STPG2: variants seen among roughly 807,000 people sequenced by gnomAD.
STPG2 encodes sperm-tail PG-rich repeat-containing protein 2.
Under a neutral mutation model 54.2 loss-of-function variants are expected in STPG2, and 56 were observed. That is an observed-to-expected ratio of 1.03 (90% confidence interval 0.83 to 1.29). STPG2 has a LOEUF of 1.29. STPG2 is among the 50% of genes most tolerant of loss of function. The pLI is 0.00. For synonymous variants in STPG2, 200 were observed against 181.8 expected (o/e 1.10, Z -0.81); for missense variants, 596 against 544.9 (o/e 1.09, Z -0.93).
At chr4:97,576,901 G>T (rs1306913747) in intron 10 of STPG2, among the ~76,000 whole-genome samples, 3 of 151,998 alleles carry the variant, frequency 2.0e-5, no homozygotes, top group Non-Finnish European at 4.4e-5. Context: ...AATTGAACAA[G>T]TAAAAAGCAA....
chr4:97,496,080 G>C (rs1243941097), intron 4 of STPG2, among the ~76,000 whole-genome samples: 2 of 151,498 alleles, frequency 1.3e-5, no homozygotes, highest in African/African-American at 4.8e-5. Context: ...CTAAAAATTA[G>C]ATGACTAACA....
intron 5 of STPG2, among the ~76,000 whole-genome samples, chr4:98,038,585 A>C (rs1339092232): frequency 6.6e-6 from 1 of 152,040 alleles, no homozygotes; most frequent in Non-Finnish European, 1.5e-5. Context: ...TAAATGTCAA[A>C]TCTCAGCAAG....
At chr4:97,804,590 G>A (rs144368305) in intron 9 of STPG2, among the ~76,000 whole-genome samples, 294 of 152,184 alleles carry the variant, frequency 1.9e-3, no homozygotes, top group African/African-American at 7.0e-3. Context: ...TTAAAAATTT[G>A]AAAATTTATG....
chr4:97,949,165 ATCT>A (rs1733366240), intron 7 of STPG2, among the ~76,000 whole-genome samples: 1 of 151,798 alleles, frequency 6.6e-6, no homozygotes, highest in African/African-American at 2.4e-5. Flanking sequence ...TCATATAATG[ATCT>A]TCTTTGTCAT....
chr4:97,884,021 C>T (rs1257634247), intron 8 of STPG2, among the ~76,000 whole-genome samples: 1 of 152,042 alleles, frequency 6.6e-6, no homozygotes, highest in African/African-American at 2.4e-5. Flanking sequence ...GGGAGAAGTG[C>T]TCTGCACACT....
intron 10 of STPG2, among the ~76,000 whole-genome samples, chr4:97,693,355 C>A (rs1210234319): frequency 6.6e-6 from 1 of 151,884 alleles, no homozygotes; most frequent in Non-Finnish European, 1.5e-5. Context: ...GTATCCCATG[C>A]AAATCAACAC....
chr4:97,860,502 ATTTTATTTTAT>A (rs1729488176), intron 8 of STPG2, among the ~76,000 whole-genome samples: 1 of 109,190 alleles, frequency 9.2e-6, no homozygotes, highest in South Asian at 3.2e-4. Context: ...ATTTTATTTT[ATTTTATTTTAT>A]TTTATTATTT....
intron 9 of STPG2, among the ~76,000 whole-genome samples, chr4:97,764,504 G>A (rs1435431596): frequency 6.6e-6 from 1 of 152,006 alleles, no homozygotes; most frequent in Non-Finnish European, 1.5e-5. Context: ...ATACAAGGCT[G>A]GAAAGATGAG....
At chr4:97,896,945 G>C (rs979415650) in intron 8 of STPG2, among the ~76,000 whole-genome samples, 9 of 151,722 alleles carry the variant, frequency 5.9e-5, no homozygotes, top group Non-Finnish European at 7.4e-5. Flanking sequence ...ACATGTGCAG[G>C]ATTGTTATAT....
chr4:97,661,624 C>A (rs1722378471), intron 10 of STPG2, among the ~76,000 whole-genome samples: 1 of 151,922 alleles, frequency 6.6e-6, no homozygotes. Context: ...AGCTGAAATT[C>A]TCTATACTCC....
chr4:97,504,048 T>C (rs1409374174), intron 4 of STPG2, among the ~76,000 whole-genome samples: 2 of 145,520 alleles, frequency 1.4e-5, no homozygotes, highest in African/African-American at 2.5e-5. Flanking sequence ...TTTATTTTTA[T>C]TTAAATATTT....
intron 4 of STPG2, among the ~76,000 whole-genome samples, chr4:97,479,617 G>T (rs1244173709): frequency 6.6e-6 from 1 of 151,862 alleles, no homozygotes; most frequent in Non-Finnish European, 1.5e-5. Flanking sequence ...GAGTCATTAA[G>T]ACATTCCACA....
At chr4:97,881,988 T>A (rs1327510159) in intron 8 of STPG2, among the ~76,000 whole-genome samples, 1 of 151,964 alleles carries the variant, frequency 6.6e-6, no homozygotes, top group African/African-American at 2.4e-5. Context: ...AGCAATAAAT[T>A]AGCCTGAAAT....
chr4:97,444,494 C>G (rs566047492), intron 4 of STPG2, among the ~76,000 whole-genome samples: 41 of 152,072 alleles, frequency 2.7e-4, no homozygotes, highest in Non-Finnish European at 5.3e-4. Flanking sequence ...TGTAAATGCT[C>G]AAAGAAAATA....
At chr4:97,904,396 G>C (rs989185399) in intron 8 of STPG2, among the ~76,000 whole-genome samples, 3 of 152,280 alleles carry the variant, frequency 2.0e-5, no homozygotes, top group Non-Finnish European at 2.9e-5. Flanking sequence ...TGAGGGTCCT[G>C]TCTGTTAAAA....
At chr4:98,099,596 G>A (rs1738965766) in intron 5 of STPG2, among the ~76,000 whole-genome samples, 1 of 152,182 alleles carries the variant, frequency 6.6e-6, no homozygotes, top group South Asian at 2.1e-4. Flanking sequence ...TAACTTAATT[G>A]TACATTTCAA....
At position 98,042,390 on chromosome 4, in the gene STPG2, T is replaced by A. The variant is rs977294652; in HGVS notation, c.613-61072A>T. Among the ~76,000 whole-genome samples the A allele has an allele frequency of 9.2e-5, 14 of 152,000 alleles. No homozygotes were observed. The South Asian group carries it at 1.5e-3, about 16-fold the overall frequency. The stretch of plus-strand genomic sequence containing the variant: ...GCTTTGGGTTTGGTTTGCTTTGGTT[T>A]CTCTAGACTCATAAGGTGTAACAGT... On this transcript the variant is annotated intron_variant, in intron 5 of 10. Transcript: ENST00000295268.
chr4:97,742,071 G>A (rs1199581983), intron 9 of STPG2, among the ~76,000 whole-genome samples: 1 of 152,064 alleles, frequency 6.6e-6, no homozygotes, highest in East Asian at 1.9e-4. Context: ...GTAGGGACAT[G>A]GATGAAATTG....
At chr4:97,951,330 G>C (rs979628217) in intron 7 of STPG2, among the ~76,000 whole-genome samples, 1 of 152,174 alleles carries the variant, frequency 6.6e-6, no homozygotes, top group African/African-American at 2.4e-5. Flanking sequence ...TCTCCAGGCA[G>C]CAGGCAAGGA....
Sources: gnomAD v4.1 joint callset for allele counts (sites outside exome capture counted in the v4.1 genomes callset) on GRCh38, gnomAD v4.1.1 for gene constraint, MANE v1.5 for transcripts, NCBI Gene and HGNC (gene_info 2026-07-23, HGNC 2026-07-21) for gene names.